The following MARCHF1 variants were observed in gnomAD, a reference collection of about 807,000 sequenced individuals.
MARCHF1 encodes the protein membrane associated ring-CH-type finger 1.
In MARCHF1, 40 loss-of-function variants were observed where a neutral mutation model predicts 54.2. The ratio of observed to expected loss-of-function variants is 0.74; its 90% CI spans 0.57 to 0.96. MARCHF1 has a LOEUF of 0.96. Among genes scored for constraint, MARCHF1 ranks in the 40% least tolerant of loss-of-function variants. The pLI, the probability that MARCHF1 is intolerant of heterozygous loss-of-function variation, is 0.00. For missense variants in MARCHF1, 586 were observed against 656.5 expected (o/e 0.89, Z 1.17); for synonymous variants, 236 against 236.3 (o/e 1.00, Z 0.01).
chr4:163,632,783 C>T (rs967068719), intron 5 of MARCHF1, among the ~76,000 whole-genome samples: 30 of 152,256 alleles, frequency 2.0e-4, no homozygotes, highest in Non-Finnish European at 1.6e-4. Context: ...TAGGCTCAAC[C>T]TCTGGGGGCA....
At chr4:163,809,243 T>C (rs535947558) in intron 4 of MARCHF1, among the ~76,000 whole-genome samples, 1 of 152,314 alleles carries the variant, frequency 6.6e-6, no homozygotes, top group East Asian at 1.9e-4. Flanking sequence ...AAGACCAGCA[T>C]AGCTATGGGT....
At chr4:163,740,528 T>C (rs763387672) in intron 4 of MARCHF1, among the ~76,000 whole-genome samples, 1 of 152,208 alleles carries the variant, frequency 6.6e-6, no homozygotes, top group Non-Finnish European at 1.5e-5. Flanking sequence ...GGCCAGGTGA[T>C]GTCTATACAT....
At chr4:163,555,702 A>G (rs1739263017) in intron 8 of MARCHF1, 1 of 235,354 alleles carries the variant, frequency 4.2e-6, no homozygotes, top group Admixed American at 4.9e-5. Context: ...AAAGAAAACA[A>G]AAGGAATAAT....
At chr4:164,023,780 C>G (rs544894278) in intron 2 of MARCHF1, among the ~76,000 whole-genome samples, 1 of 152,154 alleles carries the variant, frequency 6.6e-6, no homozygotes, top group South Asian at 2.1e-4. Context: ...ATCTGAATGA[C>G]AAGAAAGCTT....
At chr4:163,796,563 C>G (rs770739415) in intron 4 of MARCHF1, among the ~76,000 whole-genome samples, 8 of 151,990 alleles carry the variant, frequency 5.3e-5, no homozygotes, top group Non-Finnish European at 1.0e-4. Flanking sequence ...ATTTGCTTTA[C>G]CTACTTAAAA....
intron 1 of MARCHF1, among the ~76,000 whole-genome samples, chr4:164,166,300 T>C (rs1246861452): frequency 1.3e-5 from 2 of 152,022 alleles, no homozygotes; most frequent in African/African-American, 2.4e-5. Context: ...TTCAGTCTAA[T>C]AAAATTCCAT....
chr4:164,091,565 C>T (rs1022046202), intron 2 of MARCHF1, among the ~76,000 whole-genome samples: 3 of 151,612 alleles, frequency 2.0e-5, no homozygotes, highest in African/African-American at 7.3e-5. Flanking sequence ...GAACCACTTG[C>T]AATCATTGTC....
chr4:164,069,436 A>T (rs1754811909), intron 2 of MARCHF1, among the ~76,000 whole-genome samples: 1 of 152,216 alleles, frequency 6.6e-6, no homozygotes, highest in African/African-American at 2.4e-5. Flanking sequence ...CACTGCCTTT[A>T]TGAGATGTAA....
intron 1 of MARCHF1, among the ~76,000 whole-genome samples, chr4:164,136,078 AT>A (rs10713715): frequency 0.023 from 3,361 of 147,804 alleles, 89 homozygotes; most frequent in African/African-American, 0.066. Flanking sequence ...TCAAATTTCC[AT>A]TTTTTTTTTT....
At chr4:164,381,538 G>A (rs6536812) in intron 1 of MARCHF1, among the ~76,000 whole-genome samples, 1,859 of 152,078 alleles carry the variant, frequency 0.012, 34 homozygotes, top group African/African-American at 0.042. Context: ...ATGTTAAGGA[G>A]GTAAAACATC....
intron 1 of MARCHF1, among the ~76,000 whole-genome samples, chr4:164,278,780 G>T (rs2111331489): frequency 6.6e-6 from 1 of 152,268 alleles, no homozygotes; most frequent in East Asian, 1.9e-4. Flanking sequence ...AGGAAGAGGG[G>T]AGCGGTTAAA....
chr4:164,200,812 T>C (rs1731430978), intron 1 of MARCHF1, among the ~76,000 whole-genome samples: 2 of 152,142 alleles, frequency 1.3e-5, no homozygotes, highest in Admixed American at 1.3e-4. Context: ...AATGATGTTC[T>C]CTAGGGAGCA....
intron 3 of MARCHF1, among the ~76,000 whole-genome samples, chr4:163,893,418 C>T (rs911520567): frequency 3.3e-5 from 5 of 152,162 alleles, no homozygotes; most frequent in Non-Finnish European, 5.9e-5. Context: ...GGATTACAGG[C>T]GTGAGCCACA....
intron 1 of MARCHF1, among the ~76,000 whole-genome samples, chr4:164,301,570 A>C (rs1405091013): frequency 6.6e-5 from 10 of 152,240 alleles, no homozygotes; most frequent in Admixed American, 6.5e-4. Context: ...TCATGAGCAC[A>C]AAACTGTTAG....
intron 1 of MARCHF1, among the ~76,000 whole-genome samples, chr4:164,261,860 G>A (rs879335924): frequency 6.6e-6 from 1 of 152,122 alleles, no homozygotes; most frequent in South Asian, 2.1e-4. Flanking sequence ...AGAAAGTGTG[G>A]CCGGATGCAG....
At chr4:164,074,193 G>GCCAA (rs1754927357) in intron 2 of MARCHF1, among the ~76,000 whole-genome samples, 1 of 152,158 alleles carries the variant, frequency 6.6e-6, no homozygotes, top group Non-Finnish European at 1.5e-5. Context: ...CCAATAACCT[G>GCCAA]TAATCAGGGG....
chr4:163,530,350 G>C, intron 9 of MARCHF1: 1 of 151,830 alleles, frequency 6.6e-6, no homozygotes, highest in Non-Finnish European at 1.5e-5. Flanking sequence ...TGATCATCAT[G>C]TGATAAGATT....
intron 1 of MARCHF1, among the ~76,000 whole-genome samples, chr4:164,168,270 T>C (rs552809513): frequency 2.0e-5 from 3 of 150,746 alleles, no homozygotes; most frequent in Admixed American, 6.6e-5. Flanking sequence ...AGATAAGAGA[T>C]AGCAAATGTT....
intron 3 of MARCHF1, among the ~76,000 whole-genome samples, chr4:163,922,659 T>A (rs1389243394): frequency 2.0e-5 from 3 of 152,212 alleles, no homozygotes; most frequent in Non-Finnish European, 4.4e-5. Flanking sequence ...ATTTCAAATG[T>A]GTCTATCTAA....
Sources: allele counts gnomAD v4.1 joint callset (sites outside exome capture counted in the v4.1 genomes callset), GRCh38; gene constraint gnomAD v4.1.1; transcripts MANE v1.5; gene names NCBI Gene and HGNC (gene_info 2026-07-23, HGNC 2026-07-21).